Variants in CYLD observed in about 807,000 individuals in gnomAD.
CYLD encodes the protein ubiquitin carboxyl-terminal hydrolase CYLD.
CYLD carries 26 observed loss-of-function variants against 104.5 expected under a neutral mutation model. The ratio of observed to expected loss-of-function variants is 0.25; its 90% confidence interval spans 0.18 to 0.35. The LOEUF is 0.35. CYLD is among the 10% of genes least tolerant of loss of function. The probability of loss-of-function intolerance (pLI) is 1.00; values close to 1 mark genes in which losing one functional copy is unlikely to be tolerated. For missense variants in CYLD, 703 were observed against 1,136.1 expected (o/e 0.62, Z 5.48); for synonymous variants, 385 against 399.9 (o/e 0.96, Z 0.45).
rs1025363302 is a variant in CYLD at position 50,757,183 on chromosome 16, G to C, written c.913+2759G>C. On this transcript the variant is annotated intron_variant, in intron 5 of 18. Transcript: ENST00000427738. ...GGGCTAATACTAGATGATTCTTAAG[G>C]TTCCTTTTAGCGTGCACTGTTTGCG... Among the ~76,000 whole-genome samples the C allele has an allele frequency of 5.3e-5, 8 of 151,690 alleles. No individual in the cohort carries two copies. The South Asian group carries it at 1.7e-3, about 32-fold the overall frequency.
At chr16:50,762,782 G>A (rs1397248713) in intron 5 of CYLD, among the ~76,000 whole-genome samples, 3 of 152,044 alleles carry the variant, frequency 2.0e-5, no homozygotes, top group Admixed American at 2.0e-4. Flanking sequence ...TCTCCATGAA[G>A]AGCTTACTTG....
chr16:50,754,544 G>A (rs1277512894), intron 5 of CYLD, 120 bp downstream of exon 5: 22 of 718,930 alleles, frequency 3.1e-5, no homozygotes, highest in Non-Finnish European at 3.1e-5. Flanking sequence ...AAGTTCTTTC[G>A]TGGTGATTTC....
rs1329091340 is a variant in CYLD at position 50,801,588 on chromosome 16, CT to C, written c.*5082del. 1 of 233,556 alleles carries C rather than the reference CT, an allele frequency of 4.3e-6. No homozygotes were observed. The highest frequency in any genetic ancestry group is 8.5e-6 in the Non-Finnish European group (1 of 117,984). 14.5% of individuals were successfully genotyped at this position (233,556 alleles called of 1,614,324 possible). On this transcript the variant is annotated 3_prime_UTR_variant, in exon 19 of 19. Transcript: ENST00000427738. Reference sequence around the variant, plus strand: ...CTGTGGAATTTTAATTTTAGAAAGTCTTAGCATCAGATCATAAACATTCATT... The same window carrying C: ...CTGTGGAATTTTAATTTTAGAAAGTCTAGCATCAGATCATAAACATTCATT...
At chr16:50,795,217 G>A (rs1567461017) in intron 18 of CYLD, among the ~76,000 whole-genome samples, 1 of 152,100 alleles carries the variant, frequency 6.6e-6, no homozygotes, top group South Asian at 2.1e-4. Flanking sequence ...ATGTTTTTTT[G>A]TACTAAACCA....
intron 1 of CYLD, 46 bp from the exon 2 acceptor site, chr16:50,742,716 T>C (rs1965812914): frequency 5.0e-6 from 2 of 398,716 alleles, no homozygotes; most frequent in East Asian, 3.5e-5. Flanking sequence ...GGAATGGCAG[T>C]CGGGGTTCTG....
At chr16:50,774,275 A>G (rs536860145) in intron 5 of CYLD, among the ~76,000 whole-genome samples, 8 of 152,312 alleles carry the variant, frequency 5.3e-5, no homozygotes, top group African/African-American at 1.2e-4. Context: ...CATGGGTGCT[A>G]TTTAAAGATA....
At chr16:50,770,974 G>A (rs1415275225) in intron 5 of CYLD, among the ~76,000 whole-genome samples, 11 of 152,144 alleles carry the variant, frequency 7.2e-5, no homozygotes, top group Admixed American at 7.2e-4. Context: ...TTTTTATGAA[G>A]TCCAATTTAT....
chr16:50,787,542 GTGT>G (rs1567454009), intron 13 of CYLD: 1 of 443,618 alleles, frequency 2.3e-6, no homozygotes, highest in Non-Finnish European at 4.1e-6. Context: ...TATGTGCAAT[GTGT>G]TACACCCTTT....
intron 8 of CYLD, among the ~76,000 whole-genome samples, chr16:50,779,211 T>C (rs1969972740): frequency 6.6e-6 from 1 of 152,228 alleles, no homozygotes; most frequent in Admixed American, 6.5e-5. Context: ...GTCTATAAAA[T>C]TCCCTTATAA....
chr16:50,774,040 G>A (rs1482849640), intron 5 of CYLD, among the ~76,000 whole-genome samples: 1 of 152,088 alleles, frequency 6.6e-6, no homozygotes, highest in Non-Finnish European at 1.5e-5. Context: ...GTCCTGCCAG[G>A]CTACCTTCAA....
rs16948810 is a variant in CYLD at position 50,776,954 on chromosome 16, G to C, written c.1021+677G>C. Among the ~76,000 whole-genome samples the C allele has an allele frequency of 9.3e-3, 1,421 of 152,272 alleles. 22 individuals are homozygous for C. Among genetic ancestry groups the C allele is most frequent in the African/African-American group, 0.033 (1,378 of 41,562 alleles). ...TTTTATGTGACATTGGGGCCTGGGAGACTTAGGATTAATTGCAGGATATAT... is the reference window on the plus strand; with the variant it reads ...TTTTATGTGACATTGGGGCCTGGGACACTTAGGATTAATTGCAGGATATAT... On this transcript the variant is annotated intron_variant, in intron 7 of 18. Coordinates refer to ENST00000427738, the MANE Select transcript of CYLD (RefSeq NM_001378743.1).
chr16:50,744,029 A>G (rs1301339178), intron 2 of CYLD, among the ~76,000 whole-genome samples: 1 of 152,152 alleles, frequency 6.6e-6, no homozygotes, highest in African/African-American at 2.4e-5. Context: ...CTCTGTATTC[A>G]GTGCCTAGCA....
At position 50,748,877 on chromosome 16, in the gene CYLD, G is replaced by A. The variant is rs529560889; in HGVS notation, c.-123-699G>A. 9.2e-5 allele frequency among the ~76,000 whole-genome samples: 14 copies of A among 152,250 alleles called. No homozygotes were observed. The East Asian group carries it at 2.7e-3, about 29-fold the overall frequency. Reference sequence around the variant, plus strand: ...TTATAGGCATGAGCCACACAGCTCAGCCCGAAACGCTACTTTTAAAAGTTT... The same window carrying A: ...TTATAGGCATGAGCCACACAGCTCAACCCGAAACGCTACTTTTAAAAGTTT... On this transcript the variant is annotated intron_variant, in intron 2 of 18. Transcript: ENST00000427738.
chr16:50,751,433 A>AT (rs1349937083), intron 3 of CYLD, among the ~76,000 whole-genome samples, 171 bp from the exon 4 acceptor site: 1 of 152,224 alleles, frequency 6.6e-6, no homozygotes, highest in African/African-American at 2.4e-5. Context: ...ACAACTTCTT[A>AT]TTTTTTAAAA....
intron 14 of CYLD, among the ~76,000 whole-genome samples, chr16:50,789,548 C>T (rs548672399): frequency 4.1e-4 from 62 of 152,192 alleles, no homozygotes; most frequent in African/African-American, 1.3e-3. Flanking sequence ...GAAGTTCTTA[C>T]ACCCCCTGAA....
rs750338263 is a variant in CYLD, at chr16:50,751,824, A to G, written c.725A>G (p.Glu242Gly). Residue 242 changes from glutamate (E) to glycine (G), a missense_variant, in exon 4 of 19, where the codon GAA (glutamate) becomes GGA (glycine). Glu to Gly is a moderately conservative substitution (Grantham distance 98, BLOSUM62 -2). Around this residue, in one of 5 missense-constraint regions of CYLD, gnomAD observed 123 missense variants for 213.3 expected, o/e 0.58. Coordinates refer to ENST00000427738, the MANE Select transcript of CYLD (RefSeq NM_001378743.1). ...INSRVSLKVGETIESGTVIFC... is the reference protein window; with the variant it reads ...INSRVSLKVGGTIESGTVIFC... The stretch of plus-strand genomic sequence containing the variant: ...TCCAGAGTTTCTTTGAAGGTTGGAG[A>G]AACAATAGAATCTGGAACAGTTATA... 48 of 1,613,546 alleles carry G rather than the reference A, an allele frequency of 3.0e-5. No homozygotes were observed. Among genetic ancestry groups the G allele is most frequent in the Non-Finnish European group, 3.8e-5 (45 of 1,179,752 alleles).
In CYLD at chr16:50,801,385, A is replaced by G. The variant is rs1381991800; in HGVS notation, c.*4877A>G. 1.7e-5 allele frequency: 4 copies of G among 232,574 alleles called. No homozygotes were observed. The highest frequency in any genetic ancestry group is 6.0e-5 in the East Asian group (1 of 16,722). The allele number at this position is 232,574 out of a possible 1,614,324, so 14.4% of individuals were successfully genotyped here. On this transcript the variant is annotated 3_prime_UTR_variant, in exon 19 of 19. Transcript: ENST00000427738. ...TCACTGTGTTTTAAAGTCTTCATTT[A>G]TTTTTATAACATGGGTTAGGGAGAA...
At chr16:50,778,705 C>T (rs1266634711) in intron 8 of CYLD, among the ~76,000 whole-genome samples, 1 of 152,154 alleles carries the variant, frequency 6.6e-6, no homozygotes, top group Non-Finnish European at 1.5e-5. Context: ...CAGACAGAGG[C>T]ATGACATTCA....
At chr16:50,769,465 A>G (rs139786779) in intron 5 of CYLD, among the ~76,000 whole-genome samples, 59 of 152,280 alleles carry the variant, frequency 3.9e-4, no homozygotes, top group Middle Eastern at 6.8e-3. Flanking sequence ...TGTCATCTGT[A>G]TATCTTCTTT....
Sources: gnomAD v4.1 joint callset for allele counts (sites outside exome capture counted in the v4.1 genomes callset) on GRCh38, gnomAD v4.1.1 for gene constraint, gnomAD v4.1.1 regional missense constraint, MANE v1.5 for transcripts, NCBI Gene and HGNC (gene_info 2026-07-23, HGNC 2026-07-21) for gene names.